EBF2: variants seen among roughly 807,000 people sequenced by gnomAD.
EBF2 encodes EBF transcription factor 2, also known as transcription factor COE2.
Under a neutral mutation model 72.8 loss-of-function variants are expected in EBF2, and 21 were observed. The ratio of observed to expected loss-of-function variants is 0.29; its 90% CI spans 0.20 to 0.42. The LOEUF (loss-of-function observed/expected upper bound fraction) is 0.42. Among genes scored for constraint, EBF2 ranks in the 10% least tolerant of loss-of-function variants. EBF2 has a pLI of 1.00. For missense variants in EBF2, 637 were observed against 731.2 expected (o/e 0.87, Z 1.49); for synonymous variants, 299 against 274.2 (o/e 1.09, Z -0.89).
At chr8:25,911,953 CT>C (rs1186762261) in intron 6 of EBF2, among the ~76,000 whole-genome samples, 1 of 152,228 alleles carries the variant, frequency 6.6e-6, no homozygotes, top group Non-Finnish European at 1.5e-5. Flanking sequence ...GTGAGTTGCA[CT>C]GTCCCTTTAG....
At chr8:26,004,130 G>C (rs1480382951) in intron 6 of EBF2, among the ~76,000 whole-genome samples, 1 of 151,686 alleles carries the variant, frequency 6.6e-6, no homozygotes, top group Non-Finnish European at 1.5e-5. Context: ...AAAAAAAAAG[G>C]ATTAAAACTA....
At chr8:26,036,400 A>G (rs1191721268) in intron 5 of EBF2, among the ~76,000 whole-genome samples, 3 of 152,232 alleles carry the variant, frequency 2.0e-5, no homozygotes, top group African/African-American at 7.2e-5. Flanking sequence ...GCTGATATTC[A>G]GCACAAAACA....
At chr8:25,908,625 A>G in intron 6 of EBF2, 70 bp from the exon 7 acceptor site, 5 of 1,010,180 alleles carry the variant, frequency 4.9e-6, no homozygotes, top group Non-Finnish European at 7.6e-6. Flanking sequence ...GCTGCATTCC[A>G]TTAGATTTGA....
rs11135911 is a variant in EBF2, at chr8:26,044,655, C to CGGG, written c.131+71_131+73dup. 91 of 1,540,380 alleles carry CGGG rather than the reference C, an allele frequency of 5.9e-5. No individual in the cohort carries two copies. The African/African-American group carries it at 1.0e-3, about 17-fold the overall frequency. The stretch of plus-strand genomic sequence containing the variant: ...GGGAGAGAGAAAGGCACGGGGTGCG[C>CGGG]GGGGGGGGTGCACACGGAGAGACAG... On this transcript the variant is annotated intron_variant, in intron 1 of 15. Coordinates refer to ENST00000520164, the MANE Select transcript of EBF2 (RefSeq NM_022659.4). This position sits in a 1 kb window ranked among gnomAD's most constrained non-coding sequence, Gnocchi z 4.1.
chr8:25,919,776 T>C (rs1394165818), intron 6 of EBF2, among the ~76,000 whole-genome samples: 1 of 152,238 alleles, frequency 6.6e-6, no homozygotes, highest in East Asian at 1.9e-4. Context: ...AAGATGTTCA[T>C]GTGAGCTGCC....
intron 10 of EBF2, among the ~76,000 whole-genome samples, chr8:25,884,316 A>T (rs1802653555): frequency 6.6e-6 from 1 of 152,076 alleles, no homozygotes; most frequent in African/African-American, 2.4e-5. Context: ...CCAGTGAACC[A>T]AACAGAAAAC....
chr8:25,996,662 C>CGTTTT, intron 6 of EBF2, among the ~76,000 whole-genome samples: 1 of 151,244 alleles, frequency 6.6e-6, no homozygotes, highest in African/African-American at 2.4e-5. Context: ...TGAAATAAAC[C>CGTTTT]CACAGAAAGC....
intron 6 of EBF2, among the ~76,000 whole-genome samples, chr8:25,964,438 T>C (rs1585209928): frequency 6.6e-6 from 1 of 152,184 alleles, no homozygotes; most frequent in African/African-American, 2.4e-5. Flanking sequence ...GAATATTTCA[T>C]GGACGTGACA....
intron 10 of EBF2, among the ~76,000 whole-genome samples, chr8:25,884,096 C>A (rs933449773): frequency 1.3e-5 from 2 of 152,126 alleles, no homozygotes; most frequent in African/African-American, 4.8e-5. Flanking sequence ...CACGTCTTCC[C>A]ATCCAAAGTC....
At chr8:25,975,851 TTC>T (rs1174264451) in intron 6 of EBF2, among the ~76,000 whole-genome samples, 11 of 152,160 alleles carry the variant, frequency 7.2e-5, no homozygotes, top group Non-Finnish European at 1.3e-4. Flanking sequence ...AATCTGAAAA[TTC>T]TGTTTCAGCA....
In EBF2 at chr8:25,861,052, G is replaced by C. The variant is rs367728917; in HGVS notation, c.1339C>G (p.Gln447Glu). 1 of 1,614,084 alleles carries C rather than the reference G, an allele frequency of 6.2e-7. No homozygotes were observed. The highest frequency in any genetic ancestry group is 8.5e-7 in the Non-Finnish European group (1 of 1,180,020). ...TTGACTCTAAGAAAGGTGGTACCTT[G>C]ATTATTTCCTTGTGTTGACTCTGAG... ...SISESTQGNN[Q>E]GYIRNTSSIS... The change falls in exon 13 of 16, where the codon CAA (glutamine) becomes GAA (glutamate). Residue 447 changes from glutamine (Q) to glutamate (E), a missense_variant. This residue lies in a region of EBF2 where 259 missense variants were observed against 268.1 expected (regional missense o/e 0.97). Coordinates refer to ENST00000520164, the MANE Select transcript of EBF2 (RefSeq NM_022659.4).
intron 10 of EBF2, among the ~76,000 whole-genome samples, chr8:25,878,613 C>A (rs1398351972): frequency 6.6e-6 from 1 of 152,232 alleles, no homozygotes; most frequent in African/African-American, 2.4e-5. Context: ...TCTCCACCAA[C>A]CCAAGTGGTA....
chr8:25,914,700 G>T (rs1376814668), intron 6 of EBF2, among the ~76,000 whole-genome samples: 1 of 152,192 alleles, frequency 6.6e-6, no homozygotes, highest in Non-Finnish European at 1.5e-5. Flanking sequence ...TAATAGTTTT[G>T]ACTTACTGGC....
At chr8:26,007,292 A>G (rs761882558) in intron 6 of EBF2, among the ~76,000 whole-genome samples, 5 of 152,150 alleles carry the variant, frequency 3.3e-5, no homozygotes, top group Non-Finnish European at 5.9e-5. Context: ...GACTCACTCC[A>G]CAGCCTTGAG....
intron 6 of EBF2, among the ~76,000 whole-genome samples, chr8:25,931,063 C>T (rs1044497645): frequency 7.2e-5 from 11 of 152,230 alleles, no homozygotes; most frequent in East Asian, 1.9e-4. Context: ...CATTGTCAGA[C>T]GATATTTTCA....
intron 7 of EBF2, among the ~76,000 whole-genome samples, chr8:25,908,187 G>A (rs1402951143): frequency 6.6e-6 from 1 of 152,120 alleles, no homozygotes; most frequent in African/African-American, 2.4e-5. Context: ...TCCTGCTGTG[G>A]GCAGCTGTGT....
intron 10 of EBF2, among the ~76,000 whole-genome samples, chr8:25,881,237 G>GA (rs375330218): frequency 7.9e-5 from 12 of 151,928 alleles, no homozygotes; most frequent in Non-Finnish European, 1.2e-4. Flanking sequence ...AGGAAGAGCT[G>GA]AAAAAAAACA....
At chr8:25,855,191 A>G (rs531053720) in intron 14 of EBF2, among the ~76,000 whole-genome samples, 1 of 152,272 alleles carries the variant, frequency 6.6e-6, no homozygotes, top group South Asian at 2.1e-4. Context: ...AGGAGGATTG[A>G]TTGGCTTGCA....
At chr8:25,928,278 ATT>A (rs199581834) in intron 6 of EBF2, among the ~76,000 whole-genome samples, 1 of 152,202 alleles carries the variant, frequency 6.6e-6, no homozygotes, top group South Asian at 2.1e-4. Context: ...TGCTGCAGGA[ATT>A]GAAGAACCTC....
Sources: gnomAD v4.1 joint callset for allele counts (sites outside exome capture counted in the v4.1 genomes callset) on GRCh38, gnomAD v4.1.1 for gene constraint, gnomAD v4.1.1 regional missense constraint, Gnocchi (gnomAD v3.1) non-coding constraint, MANE v1.5 for transcripts, NCBI Gene and HGNC (gene_info 2026-07-23, HGNC 2026-07-21) for gene names.